NR2F1-AS1: variants seen among roughly 807,000 people sequenced by gnomAD.
NR2F1-AS1 encodes NR2F1 regulatory antisense RNA 1, also known as NR2F1 antisense RNA 1.
intron 4 of NR2F1-AS1, among the ~76,000 whole-genome samples, chr5:93,490,669 T>C (rs2149879889): frequency 6.6e-6 from 1 of 150,424 alleles, no homozygotes; most frequent in South Asian, 2.1e-4. Flanking sequence ...GTTGTAGTCA[T>C]GGTGGTGATG....
rs1326015265 is a variant in NR2F1-AS1, at chr5:93,579,604, G to A, written n.313+863C>T. ...TCGCTTCCGAGACCCCCCAGCCCCCGGGTGCAGTCCCCAGCATCGGCTGCC... is the reference window on the plus strand; with the variant it reads ...TCGCTTCCGAGACCCCCCAGCCCCCAGGTGCAGTCCCCAGCATCGGCTGCC... On this transcript the variant is annotated intron_variant and non_coding_transcript_variant, in intron 1 of 5. Transcript: ENST00000660523. This position sits in a 1 kb window ranked among gnomAD's most constrained non-coding sequence, Gnocchi z 5.1. 6.4e-5 allele frequency among the ~76,000 whole-genome samples: 8 copies of A among 124,590 alleles called. No individual in the cohort carries two copies. Among genetic ancestry groups the A allele is most frequent in the African/African-American group, 1.8e-4 (6 of 32,722 alleles). 81.7% of individuals were successfully genotyped at this position (124,590 alleles called of 152,430 possible). A position where few individuals can be genotyped will look rare whatever the true frequency, so the allele number is the denominator to read the frequency against.
chr5:93,543,455 T>G (rs139225526), intron 4 of NR2F1-AS1: 307 of 152,026 alleles, frequency 2.0e-3, no homozygotes, highest in African/African-American at 7.2e-3. Flanking sequence ...GAAAACACAA[T>G]GACTGAAATT....
At chr5:93,549,901 G>A (rs1256020177) in intron 4 of NR2F1-AS1, among the ~76,000 whole-genome samples, 2 of 152,030 alleles carry the variant, frequency 1.3e-5, no homozygotes, top group Non-Finnish European at 2.9e-5. Context: ...ACTCATAAGT[G>A]GGAGCTGAAC....
At chr5:93,509,021 C>G (rs1489106793) in intron 4 of NR2F1-AS1, among the ~76,000 whole-genome samples, 3 of 152,134 alleles carry the variant, frequency 2.0e-5, no homozygotes, top group African/African-American at 7.2e-5. Context: ...TTTACACACA[C>G]CTGGCAAAGG....
chr5:93,546,977 C>A (rs995039758), intron 4 of NR2F1-AS1, among the ~76,000 whole-genome samples: 17 of 152,202 alleles, frequency 1.1e-4, no homozygotes, highest in African/African-American at 4.1e-4. Context: ...GCCTTAAGAG[C>A]AAAAACTGAG....
intron 4 of NR2F1-AS1, among the ~76,000 whole-genome samples, chr5:93,505,455 C>A (rs539501688): frequency 6.6e-6 from 1 of 152,204 alleles, no homozygotes; most frequent in Non-Finnish European, 1.5e-5. Flanking sequence ...GGACTCCAAC[C>A]CCACATTTCC....
At chr5:93,478,804 CTCA>C (rs779169298) in intron 4 of NR2F1-AS1, among the ~76,000 whole-genome samples, 23 of 152,128 alleles carry the variant, frequency 1.5e-4, no homozygotes, top group Non-Finnish European at 2.5e-4. Flanking sequence ...ATTGATGATC[CTCA>C]TGTTTTATAT....
intron 4 of NR2F1-AS1, among the ~76,000 whole-genome samples, chr5:93,513,145 T>C (rs544422126): frequency 2.0e-5 from 3 of 152,120 alleles, no homozygotes; most frequent in Admixed American, 6.6e-5. Context: ...ATGGCGATTA[T>C]TGAAGAGTAA....
intron 1 of NR2F1-AS1, chr5:93,571,128 T>C (rs1483261774): frequency 2.0e-5 from 3 of 151,976 alleles, no homozygotes; most frequent in Non-Finnish European, 4.4e-5. Flanking sequence ...ATCTCAGGGC[T>C]CAGGCGGACG....
intron 4 of NR2F1-AS1, among the ~76,000 whole-genome samples, chr5:93,519,379 A>C (rs1751458034): frequency 6.6e-6 from 1 of 152,058 alleles, no homozygotes; most frequent in Admixed American, 6.6e-5. Flanking sequence ...CAAATGTATG[A>C]TATGACTCCA....
intron 4 of NR2F1-AS1, chr5:93,422,177 A>C (rs1236173930): frequency 6.6e-6 from 1 of 152,364 alleles, no homozygotes; most frequent in East Asian, 1.9e-4. Flanking sequence ...TCTGACATGC[A>C]GAAGAGCCTT....
At chr5:93,478,493 T>C (rs1439543076) in intron 4 of NR2F1-AS1, among the ~76,000 whole-genome samples, 1 of 152,176 alleles carries the variant, frequency 6.6e-6, no homozygotes, top group East Asian at 1.9e-4. Context: ...AACCTTCGCA[T>C]CCCAGATTCG....
At chr5:93,445,418 C>T (rs1166169218) in intron 4 of NR2F1-AS1, among the ~76,000 whole-genome samples, 2 of 152,116 alleles carry the variant, frequency 1.3e-5, no homozygotes, top group African/African-American at 4.8e-5. Flanking sequence ...ACTACAAACA[C>T]CTCTACGCAA....
chr5:93,417,385 A>G (rs1298316923), intron 4 of NR2F1-AS1, among the ~76,000 whole-genome samples: 1 of 152,254 alleles, frequency 6.6e-6, no homozygotes, highest in Non-Finnish European at 1.5e-5. Context: ...TGAAGGAAGG[A>G]AGAACAGTGA....
chr5:93,478,490 G>A (rs143717134), intron 4 of NR2F1-AS1, among the ~76,000 whole-genome samples: 26 of 152,164 alleles, frequency 1.7e-4, no homozygotes, highest in Admixed American at 2.6e-4. Flanking sequence ...TGCAACCTTC[G>A]CATCCCAGAT....
At chr5:93,413,716 T>C (rs1748910270) in intron 4 of NR2F1-AS1, among the ~76,000 whole-genome samples, 1 of 152,204 alleles carries the variant, frequency 6.6e-6, no homozygotes, top group Non-Finnish European at 1.5e-5. Context: ...AATTAGAATC[T>C]AAGTGTCTTC....
At chr5:93,478,247 G>C (rs1227422178) in intron 4 of NR2F1-AS1, among the ~76,000 whole-genome samples, 1 of 152,104 alleles carries the variant, frequency 6.6e-6, no homozygotes, top group African/African-American at 2.4e-5. Flanking sequence ...CTGTTCCACA[G>C]ACTCCACCTC....
intron 4 of NR2F1-AS1, among the ~76,000 whole-genome samples, chr5:93,452,306 T>C (rs1350550916): frequency 6.6e-6 from 1 of 152,142 alleles, no homozygotes; most frequent in African/African-American, 2.4e-5. Context: ...GAAAACTGAA[T>C]AAAATATATG....
chr5:93,446,474 C>T (rs1349245454), intron 4 of NR2F1-AS1, among the ~76,000 whole-genome samples: 2 of 152,058 alleles, frequency 1.3e-5, no homozygotes, highest in African/African-American at 4.8e-5. Flanking sequence ...GAATAAAATA[C>T]CTAGGAATCC....
Sources: allele counts gnomAD v4.1 joint callset (sites outside exome capture counted in the v4.1 genomes callset), GRCh38; gene constraint gnomAD v4.1.1; non-coding constraint Gnocchi (gnomAD v3.1); transcripts MANE v1.5; gene names NCBI Gene and HGNC (gene_info 2026-07-23, HGNC 2026-07-21).